The following SAE1 variants were observed in gnomAD, a reference collection of about 807,000 sequenced individuals.
SAE1 encodes the protein SUMO1 activating enzyme subunit 1.
A neutral mutation model predicts 40.6 loss-of-function variants in SAE1; 11 were observed. The observed-to-expected ratio is 0.27, with a 90% CI of 0.17 to 0.45. SAE1 has a LOEUF of 0.45. Ranked by LOEUF, SAE1 falls within the 20% of genes least tolerant of loss-of-function variation. SAE1 has a pLI of 1.00. For synonymous variants in SAE1, 155 were observed against 154.3 expected (o/e 1.00, Z -0.03); for missense variants, 373 against 427.3 (o/e 0.87, Z 1.12).
intron 6 of SAE1, among the ~76,000 whole-genome samples, chr19:47,179,075 T>C (rs7252221): frequency 0.2 from 29,853 of 150,492 alleles, 3,029 homozygotes; most frequent in East Asian, 0.36. Flanking sequence ...GTCTGTAGTC[T>C]CAGCTACTTG....
rs1392460777 is a variant in SAE1, at chr19:47,209,243, C to T, written c.1033C>T (p.Pro345Ser). 3 of 1,613,932 alleles carry T rather than the reference C, an allele frequency of 1.9e-6. No homozygotes were observed. The change falls in exon 9 of 9, where the codon CCC becomes TCC. Residue 345 changes from proline to serine, a missense_variant. Around this residue, in one of 3 missense-constraint regions of SAE1, gnomAD observed 351 missense variants for 390.6 expected, o/e 0.90. Transcript: ENST00000270225. ...KGNGIVECLG[P>S]K is the part of the protein sequence containing the mutation. Reference sequence around the variant, plus strand: ...GAATGGGATTGTGGAGTGCCTTGGCCCCAAGTGAACTCAAGATTTGGCAGC... The same window carrying T: ...GAATGGGATTGTGGAGTGCCTTGGCTCCAAGTGAACTCAAGATTTGGCAGC...
intron 1 of SAE1, 43 bp from the exon 2 acceptor site, chr19:47,143,450 GC>G (rs2058234800): frequency 6.8e-7 from 1 of 1,473,566 alleles, no homozygotes; most frequent in African/African-American, 1.4e-5. Context: ...GATTCTGCAA[GC>G]TCACTGTTCT....
intron 6 of SAE1, among the ~76,000 whole-genome samples, chr19:47,193,894 G>T (rs988236373): frequency 6.6e-6 from 1 of 151,768 alleles, no homozygotes; most frequent in African/African-American, 2.4e-5. Flanking sequence ...GCAGAGCCCC[G>T]TCTATACTGG....
intron 3 of SAE1, among the ~76,000 whole-genome samples, chr19:47,151,050 A>G (rs2058284956): frequency 6.6e-6 from 1 of 152,220 alleles, no homozygotes; most frequent in Non-Finnish European, 1.5e-5. Flanking sequence ...AAATCTTGAT[A>G]AATGTGAAAT....
At chr19:47,175,357 A>G (rs2123265584) in intron 6 of SAE1, among the ~76,000 whole-genome samples, 1 of 152,308 alleles carries the variant, frequency 6.6e-6, no homozygotes, top group Admixed American at 6.5e-5. Context: ...GTGATTGCCG[A>G]AAGTCATATC....
At chr19:47,201,873 TCCACCCGCCTTGG>T (rs1002770505) in intron 7 of SAE1, among the ~76,000 whole-genome samples, 1 of 152,116 alleles carries the variant, frequency 6.6e-6, no homozygotes, top group Non-Finnish European at 1.5e-5. Context: ...CCTCAAATGA[TCCACCCGCCTTGG>T]CCTCCCAAAG....
intron 6 of SAE1, among the ~76,000 whole-genome samples, chr19:47,192,660 A>C (rs1335308265): frequency 6.6e-6 from 1 of 151,956 alleles, no homozygotes; most frequent in African/African-American, 2.4e-5. Context: ...CTACTGCCTC[A>C]GCCTCCCAAG....
intron 5 of SAE1, among the ~76,000 whole-genome samples, chr19:47,156,082 T>TA (rs964227739): frequency 2.6e-5 from 4 of 151,720 alleles, no homozygotes; most frequent in Non-Finnish European, 5.9e-5. Flanking sequence ...AGCCCTGGGT[T>TA]ACAGTAGCAA....
chr19:47,208,467 G>A (rs1383437527), intron 8 of SAE1, among the ~76,000 whole-genome samples: 1 of 151,856 alleles, frequency 6.6e-6, no homozygotes, highest in Non-Finnish European at 1.5e-5. Flanking sequence ...TTGAGACAGA[G>A]TCTCACTGTG....
intron 1 of SAE1, 50 bp from the exon 2 acceptor site, chr19:47,143,444 C>A: frequency 6.9e-7 from 1 of 1,447,448 alleles, no homozygotes; most frequent in Non-Finnish European, 9.7e-7. Context: ...TTCTGTGATT[C>A]TGCAAGCTCA....
Position 47,132,705 on chromosome 19 carries a change from T to A in SAE1, c.98+1677T>A, listed in dbSNP as rs190357379. 6.8e-4 allele frequency among the ~76,000 whole-genome samples: 103 copies of A among 151,928 alleles called. 1 individual carries two copies. The highest frequency in any genetic ancestry group is 2.3e-3 in the African/African-American group (96 of 41,466). ...AGTTTGAGACTAGCCTGGGTAATGT[T>A]GCCAAACCCAGTCTCTACAAAAAAA... On this transcript the variant is annotated intron_variant, in intron 1 of 8. Transcript: ENST00000270225.
rs28375607 is a variant in SAE1 at position 47,182,514 on chromosome 19, C to A, written c.733+12591C>A. 1.1e-4 allele frequency among the ~76,000 whole-genome samples: 17 copies of A among 151,430 alleles called. No homozygotes were observed. The East Asian group carries it at 2.1e-3, about 19-fold the overall frequency. Reference sequence around the variant, plus strand: ...GTGTGTGTGCGCGCACGCACGCGCGCGCGCACACCACTGCCTTATCAGTGG... The same window carrying A: ...GTGTGTGTGCGCGCACGCACGCGCGAGCGCACACCACTGCCTTATCAGTGG... On this transcript the variant is annotated intron_variant, in intron 6 of 8. Coordinates refer to ENST00000270225, the MANE Select transcript of SAE1 (RefSeq NM_005500.3).
intron 7 of SAE1, among the ~76,000 whole-genome samples, chr19:47,200,255 A>C (rs1213736617): frequency 7.0e-6 from 1 of 143,206 alleles, no homozygotes; most frequent in Non-Finnish European, 1.5e-5. Flanking sequence ...TTTTTTTAAG[A>C]TAGGGTCTCT....
At chr19:47,190,816 ACTTCTCAC>A in intron 6 of SAE1, among the ~76,000 whole-genome samples, 1 of 152,162 alleles carries the variant, frequency 6.6e-6, no homozygotes, top group Non-Finnish European at 1.5e-5. Context: ...CACGGTCTCC[ACTTCTCAC>A]CCACTGAACT....
chr19:47,194,758 T>C, intron 6 of SAE1, among the ~76,000 whole-genome samples: 1 of 151,156 alleles, frequency 6.6e-6, no homozygotes, highest in East Asian at 1.9e-4. Context: ...TTTTTTTTTT[T>C]TTTTTTTTTG....
chr19:47,166,881 T>A (rs1387678839), intron 5 of SAE1, among the ~76,000 whole-genome samples: 6 of 152,322 alleles, frequency 3.9e-5, no homozygotes, highest in Non-Finnish European at 8.8e-5. Flanking sequence ...TCTTGTATAC[T>A]ATCTTTAACA....
Position 47,150,313 on chromosome 19 carries a change from G to T in SAE1, c.322G>T (p.Val108Leu), listed in dbSNP as rs1472541298. 1 of 1,613,876 alleles carries T rather than the reference G, an allele frequency of 6.2e-7. No homozygotes were observed. Residue 108 changes from valine to leucine, a missense_variant, in exon 3 of 9, where the codon GTG (valine) becomes TTG (leucine). Around this residue, in one of 3 missense-constraint regions of SAE1, gnomAD observed 351 missense variants for 390.6 expected, o/e 0.90. Coordinates refer to ENST00000270225, the MANE Select transcript of SAE1 (RefSeq NM_005500.3). The stretch of plus-strand genomic sequence containing the variant: ...TCAGAATCTCAACCCCATGGTGGAT[G>T]TGAAGGTGGACACTGAGGATATAGA... The part of the protein sequence containing the change: ...RAQNLNPMVD[V>L]KVDTEDIEKK...
At chr19:47,173,910 G>A (rs908086178) in intron 6 of SAE1, among the ~76,000 whole-genome samples, 1 of 151,138 alleles carries the variant, frequency 6.6e-6, no homozygotes, top group African/African-American at 2.4e-5. Flanking sequence ...TCAGCCTCCC[G>A]ACTAGCTGGG....
At chr19:47,209,070 C>T (rs1027046755) in intron 8 of SAE1, 89 bp from the exon 9 acceptor site, 7 of 1,324,958 alleles carry the variant, frequency 5.3e-6, no homozygotes, top group East Asian at 2.3e-5. Context: ...AGTTAAGAAC[C>T]ACTGCCCTAG....
Sources: gnomAD v4.1 joint callset for allele counts (sites outside exome capture counted in the v4.1 genomes callset) on GRCh38, gnomAD v4.1.1 for gene constraint, gnomAD v4.1.1 regional missense constraint, MANE v1.5 for transcripts, NCBI Gene and HGNC (gene_info 2026-07-23, HGNC 2026-07-21) for gene names.